SPMIP5: variants seen among roughly 807,000 people sequenced by gnomAD.
The protein encoded by SPMIP5 is sperm-associated microtubule inner protein 5.
the SPMIP5 span, chr10:116,668,343 G>A: frequency 3.8e-6 from 6 of 1,567,932 alleles, no homozygotes; most frequent in Non-Finnish European, 5.3e-6. Context: ...GAGGGAAGAG[G>A]GAATGAAACG....
At chr10:116,665,574 G>A in the SPMIP5 span, 2 of 1,589,886 alleles carry the variant, frequency 1.3e-6, no homozygotes, top group South Asian at 2.3e-5. Context: ...GGGGTGACCA[G>A]GGGTGAGGGG....
chr10:116,663,846 G>C, the SPMIP5 span: 12 of 1,463,262 alleles, frequency 8.2e-6, no homozygotes, highest in Non-Finnish European at 1.1e-5. Flanking sequence ...ATTCCAACAT[G>C]AGAATGGCAG....
chr10:116,668,228 GGCACAGCT>G, the SPMIP5 span: 3 of 1,604,510 alleles, frequency 1.9e-6, no homozygotes, highest in African/African-American at 2.7e-5. Context: ...TCCCCTGCCA[GGCACAGCT>G]GCAGGGTACG....
chr10:116,668,376 T>C, the SPMIP5 span: 1 of 1,405,194 alleles, frequency 7.1e-7, no homozygotes, highest in Non-Finnish European at 1.0e-6. Context: ...GTCACTGCCT[T>C]AAGGAATTAC....
the SPMIP5 span, chr10:116,664,858 A>C: frequency 1.2e-6 from 2 of 1,614,206 alleles, no homozygotes; most frequent in Non-Finnish European, 8.5e-7. Context: ...CTCGTGCCAC[A>C]GCCAAATTCA....
the SPMIP5 span, among the ~76,000 whole-genome samples, chr10:116,666,960 G>A: frequency 2.0e-5 from 3 of 152,198 alleles, no homozygotes; most frequent in African/African-American, 7.2e-5. Flanking sequence ...GTAGTGGGTT[G>A]AACTGTATCC....
the SPMIP5 span, chr10:116,664,273 T>C: frequency 6.3e-7 from 1 of 1,580,702 alleles, no homozygotes; most frequent in Non-Finnish European, 8.6e-7. Context: ...CCATATATTC[T>C]AAAACAAGAA....
At chr10:116,668,139 T>G in the SPMIP5 span, 1 of 956,292 alleles carries the variant, frequency 1.0e-6, no homozygotes, top group Non-Finnish European at 1.6e-6. Flanking sequence ...TCTGAGAAGC[T>G]AGAGCGCCTA....
the SPMIP5 span, chr10:116,668,219 C>T: frequency 1.9e-6 from 3 of 1,591,022 alleles, no homozygotes; most frequent in East Asian, 2.2e-5. Context: ...GACCCGGGTT[C>T]CCCTGCCAGG....
chr10:116,666,805 C>G, the SPMIP5 span, among the ~76,000 whole-genome samples: 1 of 152,224 alleles, frequency 6.6e-6, no homozygotes, highest in South Asian at 2.1e-4. Context: ...CGACTTTGGT[C>G]TGCCTAGGTT....
the SPMIP5 span, chr10:116,664,281 G>A: frequency 1.9e-6 from 3 of 1,565,040 alleles, no homozygotes; most frequent in East Asian, 7.0e-5. Context: ...TCTAAAACAA[G>A]AATAGAAGTC....
At chr10:116,668,191 G>A in the SPMIP5 span, 3 of 1,474,964 alleles carry the variant, frequency 2.0e-6, no homozygotes, top group Non-Finnish European at 2.8e-6. Context: ...AGTGGGTCAA[G>A]GCAGGGACAG....
At chr10:116,669,799 C>A in the SPMIP5 span, 2 of 152,220 alleles carry the variant, frequency 1.3e-5, no homozygotes, top group African/African-American at 4.8e-5. Flanking sequence ...GGGGTATAAG[C>A]CTGCCTGGAG....
the SPMIP5 span, among the ~76,000 whole-genome samples, chr10:116,668,804 C>T: frequency 1.1e-4 from 17 of 151,860 alleles, no homozygotes. Context: ...TTTTTGCCAG[C>T]CCCCACCATT....
At chr10:116,664,457 C>T in the SPMIP5 span, 2 of 765,230 alleles carry the variant, frequency 2.6e-6, no homozygotes, top group African/African-American at 3.5e-5. Flanking sequence ...TGAGGCCACT[C>T]AGCACCCTTG....
chr10:116,662,442 G>T, the SPMIP5 span, among the ~76,000 whole-genome samples: 21 of 152,112 alleles, frequency 1.4e-4, no homozygotes, highest in Non-Finnish European at 2.9e-4. Context: ...ACTAAATTTC[G>T]CCTGGAGGTT....
chr10:116,667,175 C>T, the SPMIP5 span, among the ~76,000 whole-genome samples: 3 of 152,140 alleles, frequency 2.0e-5, no homozygotes, highest in East Asian at 3.9e-4. Context: ...GGGGAAATGC[C>T]GTGTGAGGAT....
chr10:116,669,322 C>G, the SPMIP5 span, among the ~76,000 whole-genome samples: 1 of 152,172 alleles, frequency 6.6e-6, no homozygotes, highest in Non-Finnish European at 1.5e-5. Flanking sequence ...CCCCGCCAGG[C>G]TGACAGCAGT....
chr10:116,668,203 G>A, the SPMIP5 span: 2 of 1,536,676 alleles, frequency 1.3e-6, no homozygotes, highest in Non-Finnish European at 1.8e-6. Flanking sequence ...CAGGGACAGT[G>A]ACCAGGACCC....
Sources: gnomAD v4.1 joint callset for allele counts (sites outside exome capture counted in the v4.1 genomes callset) on GRCh38, gnomAD v4.1.1 for gene constraint, MANE v1.5 for transcripts, NCBI Gene and HGNC (gene_info 2026-07-23, HGNC 2026-07-21) for gene names.